NXPE4: variants seen among roughly 807,000 people sequenced by gnomAD.
The protein encoded by NXPE4 is neurexophilin and PC-esterase domain family member 4, also known as NXPE family member 4.
Under a neutral mutation model 33.3 loss-of-function variants are expected in NXPE4, and 42 were observed. The observed-to-expected ratio is 1.26, with a 90% CI of 0.98 to 1.63. The LOEUF (loss-of-function observed/expected upper bound fraction) is 1.63. Ranked by LOEUF, NXPE4 falls within the 40% of genes most tolerant of loss-of-function variation. The pLI, the probability that NXPE4 is intolerant of heterozygous loss-of-function variation, is 0.00. For synonymous variants in NXPE4, 253 were observed against 234.9 expected (o/e 1.08, Z -0.71); for missense variants, 709 against 647.6 (o/e 1.09, Z -1.03).
chr11:114,626,976 A>G, the NXPE4 span, among the ~76,000 whole-genome samples: 3 of 152,130 alleles, frequency 2.0e-5, no homozygotes, highest in African/African-American at 7.2e-5. Context: ...AGAAAAAAGA[A>G]TAAAAAGAAA....
chr11:114,626,782 A>G, the NXPE4 span, among the ~76,000 whole-genome samples: 1 of 152,168 alleles, frequency 6.6e-6, no homozygotes, highest in Non-Finnish European at 1.5e-5. Context: ...AAAAATTTAG[A>G]ATAATGTATA....
the NXPE4 span, among the ~76,000 whole-genome samples, chr11:114,617,475 CA>C: frequency 7.4e-6 from 1 of 134,992 alleles, no homozygotes; most frequent in South Asian, 2.4e-4. Context: ...TGCTGGATAT[CA>C]AATGTTGCCT....
intron 3 of NXPE4, 113 bp downstream of exon 3, chr11:114,582,175 G>T: frequency 9.1e-7 from 1 of 1,101,740 alleles, no homozygotes; most frequent in Non-Finnish European, 1.3e-6. Context: ...TTCCCCAAAG[G>T]CTCTTACTAA....
At chr11:114,638,369 A>AT in the NXPE4 span, among the ~76,000 whole-genome samples, 4 of 150,876 alleles carry the variant, frequency 2.7e-5, no homozygotes, top group African/African-American at 2.4e-5. Context: ...ATTCGTCTAA[A>AT]TTTTTTTTCA....
intron 2 of NXPE4, among the ~76,000 whole-genome samples, chr11:114,590,265 G>A (rs577633985): frequency 2.3e-4 from 35 of 152,302 alleles, no homozygotes; most frequent in African/African-American, 8.4e-4. Flanking sequence ...AGCTGACAGA[G>A]CATATAAGAT....
chr11:114,653,533 C>CTTTTTTTTT, the NXPE4 span, among the ~76,000 whole-genome samples: 1 of 103,514 alleles, frequency 9.7e-6, no homozygotes, highest in African/African-American at 3.5e-5. Context: ...CCTGCTTTCC[C>CTTTTTTTTT]TTTTTTTTTT....
chr11:114,627,969 A>G, the NXPE4 span, among the ~76,000 whole-genome samples: 13 of 152,108 alleles, frequency 8.5e-5, no homozygotes, highest in Admixed American at 8.5e-4. Context: ...AGAAGAGCTA[A>G]CTATCCTAAA....
At chr11:114,585,481 T>C (rs1949270666) in intron 2 of NXPE4, among the ~76,000 whole-genome samples, 1 of 152,074 alleles carries the variant, frequency 6.6e-6, no homozygotes, top group Non-Finnish European at 1.5e-5. Context: ...GGAGTCACTA[T>C]GCTTATATCA....
At chr11:114,658,905 C>T in the NXPE4 span, among the ~76,000 whole-genome samples, 1 of 152,162 alleles carries the variant, frequency 6.6e-6, no homozygotes. Context: ...TAGAAAGCAA[C>T]AGCAATCTAC....
chr11:114,579,992 C>G, intron 5 of NXPE4, 140 bp downstream of exon 5: 1 of 699,418 alleles, frequency 1.4e-6, no homozygotes, highest in Non-Finnish European at 2.5e-6. Flanking sequence ...GGAAGGATAA[C>G]AATGCCTTGT....
chr11:114,639,410 T>A, the NXPE4 span, among the ~76,000 whole-genome samples: 1 of 151,862 alleles, frequency 6.6e-6, no homozygotes, highest in South Asian at 2.1e-4. Flanking sequence ...CCCTGACCCC[T>A]TGCGCTTCCT....
chr11:114,598,072 A>G (rs937030011), upstream of NXPE4, among the ~76,000 whole-genome samples: 1 of 152,174 alleles, frequency 6.6e-6, no homozygotes, highest in South Asian at 2.1e-4. Context: ...GACTATAGGC[A>G]TTGGGTAAAT....
chr11:114,677,983 G>A, the NXPE4 span, among the ~76,000 whole-genome samples: 1 of 152,066 alleles, frequency 6.6e-6, no homozygotes, highest in Non-Finnish European at 1.5e-5. Flanking sequence ...AAGTTGCAGT[G>A]AGATTTAGAC....
the NXPE4 span, among the ~76,000 whole-genome samples, chr11:114,631,691 C>T: frequency 6.6e-6 from 1 of 151,076 alleles, no homozygotes; most frequent in East Asian, 1.9e-4. Context: ...AAAGTATTGC[C>T]TCGTGGGTAA....
the NXPE4 span, among the ~76,000 whole-genome samples, chr11:114,625,815 A>C: frequency 2.6e-5 from 4 of 152,226 alleles, no homozygotes; most frequent in African/African-American, 9.6e-5. Context: ...TCAGTGGGTG[A>C]GCACACCACG....
At chr11:114,632,528 T>G in the NXPE4 span, among the ~76,000 whole-genome samples, 1 of 121,830 alleles carries the variant, frequency 8.2e-6, no homozygotes, top group East Asian at 2.1e-4. Flanking sequence ...TATATTTTGC[T>G]ATATATTTAT....
chr11:114,661,933 T>G, the NXPE4 span, among the ~76,000 whole-genome samples: 2 of 152,248 alleles, frequency 1.3e-5, no homozygotes, highest in South Asian at 4.1e-4. Context: ...AAATTTTGTC[T>G]TTTCAAGAAA....
At chr11:114,574,000 A>T (rs542854292) in intron 5 of NXPE4, among the ~76,000 whole-genome samples, 1 of 152,232 alleles carries the variant, frequency 6.6e-6, no homozygotes, top group South Asian at 2.1e-4. Context: ...AATCAAAATT[A>T]TATCAAGTAC....
chr11:114,636,058 A>T, the NXPE4 span, among the ~76,000 whole-genome samples: 6 of 150,072 alleles, frequency 4.0e-5, no homozygotes, highest in African/African-American at 1.5e-4. Context: ...TCCTCCTTGT[A>T]CCTCTGGTAG....
Sources: gnomAD v4.1 joint callset for allele counts (sites outside exome capture counted in the v4.1 genomes callset) on GRCh38, gnomAD v4.1.1 for gene constraint, MANE v1.5 for transcripts, NCBI Gene and HGNC (gene_info 2026-07-23, HGNC 2026-07-21) for gene names.